NEDD4L: variants seen among roughly 807,000 people sequenced by gnomAD.
The protein encoded by NEDD4L is NEDD4 like E3 ubiquitin protein ligase.
NEDD4L carries 54 observed loss-of-function variants against 148.9 expected under a neutral mutation model. That is an observed-to-expected ratio of 0.36 (90% CI 0.29 to 0.45). NEDD4L has a LOEUF of 0.45. Ranked by LOEUF, NEDD4L falls within the 20% of genes least tolerant of loss-of-function variation. NEDD4L has a pLI of 1.00. For synonymous variants in NEDD4L, 433 were observed against 440.7 expected (o/e 0.98, Z 0.22); for missense variants, 856 against 1,233.8 (o/e 0.69, Z 4.59).
chr18:58,398,110 G>A lies in NEDD4L; in HGVS notation c.*1841G>A, dbSNP rs1285342553. ...GAGTGTTGGTTCCTTTTTCTTATTG[G>A]TTGAAAATTACCTGGTAGTGATCAG... On this transcript the variant is annotated 3_prime_UTR_variant, in exon 31 of 31. Coordinates refer to ENST00000400345, the MANE Select transcript of NEDD4L (RefSeq NM_001144967.3). The A allele has an allele frequency of 7.9e-6, 1 of 126,410 alleles. No individual in the cohort carries two copies. The highest frequency in any genetic ancestry group is 1.6e-5 in the Non-Finnish European group (1 of 63,344). The allele number at this position is 126,410 out of a possible 1,614,324, so 7.8% of individuals were successfully genotyped here.
At chr18:58,097,587 T>C (rs1045353264) in intron 1 of NEDD4L, among the ~76,000 whole-genome samples, 1 of 152,154 alleles carries the variant, frequency 6.6e-6, no homozygotes, top group African/African-American at 2.4e-5. Flanking sequence ...TTATCTAAAG[T>C]CTAAAGTTAA....
chr18:58,137,426 G>A (rs1568269175), intron 1 of NEDD4L, among the ~76,000 whole-genome samples: 2 of 152,196 alleles, frequency 1.3e-5, no homozygotes, highest in African/African-American at 4.8e-5. Flanking sequence ...TCAGCTCTGT[G>A]AGGTCGAGGT....
intron 5 of NEDD4L, among the ~76,000 whole-genome samples, chr18:58,279,028 C>T (rs913587164): frequency 6.6e-6 from 1 of 151,968 alleles, no homozygotes; most frequent in East Asian, 1.9e-4. Flanking sequence ...TGTGCCACCA[C>T]ATCCAGCTAA....
chr18:58,053,794 A>G (rs976008752), intron 1 of NEDD4L, among the ~76,000 whole-genome samples: 1 of 152,258 alleles, frequency 6.6e-6, no homozygotes, highest in African/African-American at 2.4e-5. Context: ...CTTGGGAACC[A>G]TGGCCAACAC....
Position 58,221,744 on chromosome 18 carries a change from G to A in NEDD4L, c.123-23683G>A, listed in dbSNP as rs1399115202. 1.8e-5 allele frequency: 18 copies of A among 984,974 alleles called. No homozygotes were observed. Among genetic ancestry groups the A allele is most frequent in the Non-Finnish European group, 2.2e-5 (18 of 829,652 alleles). 61.0% of individuals were successfully genotyped at this position (984,974 alleles called of 1,614,324 possible). On this transcript the variant is annotated intron_variant, in intron 2 of 30. Coordinates refer to ENST00000400345, the MANE Select transcript of NEDD4L (RefSeq NM_001144967.3). The stretch of plus-strand genomic sequence containing the variant: ...TCCAGCCTTGTTTTTCAGCAGCTTT[G>A]AGGAAAAGTATAGGTAAGAACAAAG...
At position 58,160,607 on chromosome 18, in the gene NEDD4L, A is replaced by G. The variant is rs1052552581; in HGVS notation, c.49-5181A>G. 5.3e-5 allele frequency among the ~76,000 whole-genome samples: 8 copies of G among 152,332 alleles called. No individual in the cohort carries two copies. The East Asian group carries it at 7.7e-4, about 15-fold the overall frequency. On this transcript the variant is annotated intron_variant, in intron 1 of 30. Transcript: ENST00000400345. ...CTACTGGAGTCATAAACAGGGTTCA[A>G]AATATCACACATAGATTTTATGAAA...
rs1257608713 is a variant in NEDD4L at position 58,341,156 on chromosome 18, G to C, written c.1244G>C (p.Arg415Pro). The C allele has an allele frequency of 6.2e-7, 1 of 1,612,578 alleles. No homozygotes were observed. Among genetic ancestry groups the C allele is most frequent in the Non-Finnish European group, 8.5e-7 (1 of 1,179,446 alleles). ...NHNNRTTTWT[R>P]PIMQLAEDGA... ...AACAATCGAACCACAACTTGGACTC[G>C]ACCTATCATGCAGGTACGAAGATTG... Residue 415 changes from arginine to proline, a missense_variant, in exon 14 of 31, where the codon CGA (arginine) becomes CCA (proline). Transcript: ENST00000400345.
chr18:58,309,471 A>G (rs947535667), intron 5 of NEDD4L, among the ~76,000 whole-genome samples: 5 of 152,000 alleles, frequency 3.3e-5, no homozygotes, highest in Admixed American at 6.6e-5. Context: ...AAGCCCCCAG[A>G]CCCTGTGGCT....
At chr18:58,351,910 T>C (rs2043940422) in intron 18 of NEDD4L, among the ~76,000 whole-genome samples, 1 of 152,228 alleles carries the variant, frequency 6.6e-6, no homozygotes, top group African/African-American at 2.4e-5. Context: ...CTGAGAAGTC[T>C]GGCCACAAGT....
intron 5 of NEDD4L, among the ~76,000 whole-genome samples, chr18:58,289,837 C>G (rs1193475843): frequency 6.6e-6 from 1 of 152,132 alleles, no homozygotes; most frequent in Non-Finnish European, 1.5e-5. Context: ...ACGTATGCAG[C>G]TTTTTATAAG....
At chr18:58,336,967 A>G (rs1289293200) in intron 13 of NEDD4L, among the ~76,000 whole-genome samples, 1 of 152,210 alleles carries the variant, frequency 6.6e-6, no homozygotes, top group Non-Finnish European at 1.5e-5. Context: ...TCATCTGTAT[A>G]TCACCTATTT....
At chr18:58,236,227 T>A (rs1370264644) in intron 2 of NEDD4L, among the ~76,000 whole-genome samples, 5 of 150,780 alleles carry the variant, frequency 3.3e-5, no homozygotes, top group Non-Finnish European at 5.9e-5. Flanking sequence ...CATGGTGGTG[T>A]GTGTCTGTAG....
chr18:58,098,874 A>T (rs1443211609), intron 1 of NEDD4L, among the ~76,000 whole-genome samples: 1 of 152,172 alleles, frequency 6.6e-6, no homozygotes, highest in Non-Finnish European at 1.5e-5. Flanking sequence ...CCAATGTGTT[A>T]AAGAAGGATG....
At chr18:58,255,775 C>T in intron 5 of NEDD4L, 1 of 1,232,504 alleles carries the variant, frequency 8.1e-7, no homozygotes, top group Non-Finnish European at 1.0e-6. Context: ...GCAGCCCGCA[C>T]CCCTTCGCCC....
intron 21 of NEDD4L, among the ~76,000 whole-genome samples, chr18:58,367,491 A>T (rs1242094761): frequency 6.6e-6 from 1 of 152,128 alleles, no homozygotes; most frequent in East Asian, 1.9e-4. Flanking sequence ...TGAAATAGAC[A>T]CTTCGTAGGT....
intron 2 of NEDD4L, among the ~76,000 whole-genome samples, chr18:58,174,878 A>G (rs1348232834): frequency 6.6e-6 from 1 of 152,200 alleles, no homozygotes; most frequent in Admixed American, 6.5e-5. Context: ...CTTTACTTCC[A>G]AAGGATTGGA....
intron 1 of NEDD4L, among the ~76,000 whole-genome samples, chr18:58,117,161 T>G (rs1006520078): frequency 5.3e-5 from 8 of 152,226 alleles, no homozygotes; most frequent in Non-Finnish European, 1.2e-4. Context: ...AGTGCTTTGT[T>G]TTTTACAGAT....
At chr18:58,259,394 G>A (rs978144434) in intron 5 of NEDD4L, among the ~76,000 whole-genome samples, 31 of 152,194 alleles carry the variant, frequency 2.0e-4, no homozygotes, top group Admixed American at 2.0e-3. Flanking sequence ...GCAGTCATTA[G>A]TAGTCATTTA....
intron 24 of NEDD4L, among the ~76,000 whole-genome samples, chr18:58,381,684 G>A (rs1408324183): frequency 6.6e-6 from 1 of 152,168 alleles, no homozygotes; most frequent in African/African-American, 2.4e-5. Context: ...GAACAACAAG[G>A]CAGTCTGGGG....
Sources: gnomAD v4.1 joint callset for allele counts (sites outside exome capture counted in the v4.1 genomes callset) on GRCh38, gnomAD v4.1.1 for gene constraint, MANE v1.5 for transcripts, NCBI Gene and HGNC (gene_info 2026-07-23, HGNC 2026-07-21) for gene names.